The following TRRAP variants were observed in gnomAD, a reference collection of about 807,000 sequenced individuals.
The protein encoded by TRRAP is transformation/transcription domain-associated protein.
A neutral mutation model predicts 438.8 loss-of-function variants in TRRAP; 41 were observed. That is an observed-to-expected ratio of 0.09 (90% CI 0.07 to 0.12). The LOEUF (loss-of-function observed/expected upper bound fraction) is 0.12. TRRAP is among the 10% of genes least tolerant of loss of function. TRRAP has a pLI of 1.00. For synonymous variants in TRRAP, 1,994 were observed against 1,962.9 expected, an observed-to-expected ratio of 1.02 and a Z score of -0.42; for missense variants, 3,122 against 5,055.1, an observed-to-expected ratio of 0.62 and a Z score of 11.60.
chr7:98,999,401 T>C, intron 67 of TRRAP: 1 of 1,224,772 alleles, frequency 8.2e-7, no homozygotes, highest in Non-Finnish European at 1.2e-6. Context: ...CCTCTTGATC[T>C]ACATGAGATC....
In TRRAP at chr7:98,984,094, G is replaced by T. The variant is rs530311376; in HGVS notation, c.9024G>T (p.Ala3008=). Reference sequence around the variant, plus strand: ...ATGATTCCTTTCTTTGCCCTCTAGCGATTGTAACTGCCTATGAGAATAGCT... The same window carrying T: ...ATGATTCCTTTCTTTGCCCTCTAGCTATTGTAACTGCCTATGAGAATAGCT... The part of the protein sequence containing the change: ...IFMWRQHHYQ[A]IVTAYENSSQ... The change falls in exon 61 of 73, where the codon GCG becomes GCT. Residue 3008 remains alanine, a splice_region_variant and synonymous_variant. Coordinates refer to ENST00000456197, the MANE Select transcript of TRRAP (RefSeq NM_001375524.1). 1 of 1,595,918 alleles carries T rather than the reference G, an allele frequency of 6.3e-7. No homozygotes were observed. The highest frequency in any genetic ancestry group is 8.5e-7 in the Non-Finnish European group (1 of 1,170,382).
rs1436734547 is a variant in TRRAP at position 98,983,272 on chromosome 7, G to C, written c.8835G>C (p.Gln2945His). 6.2e-7 allele frequency: 1 copy of C among 1,612,140 alleles called. No homozygotes were observed. Among genetic ancestry groups the C allele is most frequent in the Non-Finnish European group, 8.5e-7 (1 of 1,178,816 alleles). ...TATGCTGGTCCCATCAGGCAGCCCA[G>C]CAAATCATCGAACTCCAGGAAGCTG... The part of the protein sequence containing the change: ...HVHTPLLQAA[Q>H]QIIELQEAAQ... Residue 2945 changes from glutamine to histidine, a missense_variant, in exon 60 of 73, where the codon CAG becomes CAC. Coordinates refer to ENST00000456197, the MANE Select transcript of TRRAP (RefSeq NM_001375524.1).
chr7:98,897,622 C>T (rs1289598068), intron 7 of TRRAP, 119 bp from the exon 8 acceptor site: 1 of 1,306,596 alleles, frequency 7.7e-7, no homozygotes, highest in African/African-American at 1.5e-5. Context: ...AAATGTAGAA[C>T]ATACTGTTTT....
rs1461757933 is a variant in TRRAP at position 98,908,355 on chromosome 7, T to C, written c.1116-373T>C. On this transcript the variant is annotated intron_variant, in intron 13 of 72. Coordinates refer to ENST00000456197, the MANE Select transcript of TRRAP (RefSeq NM_001375524.1). This position sits in a 1 kb window ranked among gnomAD's most constrained non-coding sequence, Gnocchi z 4.1. ...AGCCTGAAAATTCTTACTGTGTCTC[T>C]GTAAAGTGGTCATCATATATAAAGA... Among the ~76,000 whole-genome samples, 2 of 152,218 alleles carry C rather than the reference T, an allele frequency of 1.3e-5. No homozygotes were observed. Among genetic ancestry groups the C allele is most frequent in the Non-Finnish European group, 2.9e-5 (2 of 68,042 alleles).
At chr7:98,941,837 C>T (rs981016586) in intron 30 of TRRAP, among the ~76,000 whole-genome samples, 1 of 152,072 alleles carries the variant, frequency 6.6e-6, no homozygotes, top group African/African-American at 2.4e-5. Context: ...GGTTGGGAAA[C>T]GCGGCTTCTC....
Position 98,970,213 on chromosome 7 carries a change from C to T in TRRAP, c.7614C>T (p.His2538=), listed in dbSNP as rs1228417566. Residue 2538 remains histidine (H), a synonymous_variant, in exon 52 of 73, where the codon CAC becomes CAT. Transcript: ENST00000456197. Reference sequence around the variant, plus strand: ...ACGTCATCAACCTGGCCGATAGCCACGACCGTGCCGCCTTCGCCATGGTCA... The same window carrying T: ...ACGTCATCAACCTGGCCGATAGCCATGACCGTGCCGCCTTCGCCATGGTCA... ...ITNVINLADS[H]DRAAFAMVTH... is the part of the protein sequence containing the mutation. The T allele has an allele frequency of 1.2e-5, 19 of 1,613,796 alleles. No individual in the cohort carries two copies. The highest frequency in any genetic ancestry group is 3.3e-4 in the Middle Eastern group (2 of 6,062).
chr7:99,010,423 G>C (rs76612811), intron 70 of TRRAP, among the ~76,000 whole-genome samples: 22 of 152,156 alleles, frequency 1.4e-4, no homozygotes, highest in African/African-American at 4.8e-4. Flanking sequence ...TGTTCTTGCC[G>C]GCAGAAGGGC....
intron 45 of TRRAP, 131 bp downstream of exon 45, chr7:98,959,621 T>G: frequency 1.5e-6 from 2 of 1,358,724 alleles, no homozygotes; most frequent in Non-Finnish European, 2.0e-6. Flanking sequence ...TCCTGTCCCC[T>G]TTGCCAGTCA....
At chr7:98,946,925 G>C (rs73155644) in intron 33 of TRRAP, among the ~76,000 whole-genome samples, 4,170 of 152,356 alleles carry the variant, frequency 0.027, 84 homozygotes, top group South Asian at 0.055. Flanking sequence ...AAGTCTTGCA[G>C]ATTCTGGGGA....
At chr7:98,890,858 G>A (rs7779243) in intron 4 of TRRAP, among the ~76,000 whole-genome samples, 142,866 of 146,426 alleles carry the variant, frequency 0.98, 69,722 homozygotes, top group East Asian at 1. Flanking sequence ...GGTGCCAATC[G>A]TAGCTCACTG....
In TRRAP at chr7:98,908,027, C is replaced by G. The variant is rs1037408843; in HGVS notation, c.1116-701C>G. Among the ~76,000 whole-genome samples, 1 of 152,210 alleles carries G rather than the reference C, an allele frequency of 6.6e-6. No homozygotes were observed. The highest frequency in any genetic ancestry group is 1.5e-5 in the Non-Finnish European group (1 of 68,044). The stretch of plus-strand genomic sequence containing the variant: ...CTGTTTCTTCCATCTGGAAATTTCC[C>G]TGGATTTTTGCCTTATGGCCCCTTT... On this transcript the variant is annotated intron_variant, in intron 13 of 72. Coordinates refer to ENST00000456197, the MANE Select transcript of TRRAP (RefSeq NM_001375524.1). This position sits in a 1 kb window ranked among gnomAD's most constrained non-coding sequence, Gnocchi z 4.1.
intron 53 of TRRAP, among the ~76,000 whole-genome samples, chr7:98,973,329 C>T (rs1792502315): frequency 6.6e-6 from 1 of 152,144 alleles, no homozygotes; most frequent in Admixed American, 6.6e-5. Context: ...TGTCCTGAAG[C>T]CCAAGGCCTC....
intron 31 of TRRAP, among the ~76,000 whole-genome samples, chr7:98,945,222 A>G (rs1168784568): frequency 2.6e-5 from 4 of 152,184 alleles, no homozygotes; most frequent in South Asian, 2.1e-4. Flanking sequence ...TGTTATGTGT[A>G]TGCACACATA....
At chr7:98,945,707 A>C in intron 31 of TRRAP, 40 bp from the exon 32 acceptor site, 1 of 1,595,106 alleles carries the variant, frequency 6.3e-7, no homozygotes, top group Non-Finnish European at 8.5e-7. Flanking sequence ...TATGTAAATA[A>C]CATAAATAGA....
chr7:98,886,196 C>G (rs1393386613), intron 3 of TRRAP, among the ~76,000 whole-genome samples: 3 of 152,122 alleles, frequency 2.0e-5, no homozygotes, highest in Non-Finnish European at 4.4e-5. Flanking sequence ...AAGGCTGAGG[C>G]AGAGAATCAC....
chr7:99,011,593 C>T lies in TRRAP; in HGVS notation c.11337+58C>T, dbSNP rs533227952. ...GGCTAGAGCCACTCAGATGCCCGCG[C>T]GTCACGGCCTTGCAGGAGCTGCTGA... is the stretch of plus-strand genomic sequence containing the variant. On this transcript the variant is annotated intron_variant, in intron 72 of 72. Transcript: ENST00000456197. The surrounding 1 kb of genome is among the most constrained non-coding windows in gnomAD (Gnocchi z 7.1). The T allele has an allele frequency of 1.5e-5, 23 of 1,560,794 alleles. No individual in the cohort carries two copies. The highest frequency in any genetic ancestry group is 9.4e-5 in the Admixed American group (5 of 53,352).
Position 98,915,962 on chromosome 7 carries a change from G to T in TRRAP, c.2365+74G>T. On this transcript the variant is annotated intron_variant, in intron 19 of 72. Transcript: ENST00000456197. Reference sequence around the variant, plus strand: ...CATGTGTCTAGCCATCCTGATTGCTGGGTTTCATCCTCTGTAACTGGTGAG... The same window carrying T: ...CATGTGTCTAGCCATCCTGATTGCTTGGTTTCATCCTCTGTAACTGGTGAG... The T allele has an allele frequency of 2.6e-6, 4 of 1,568,356 alleles. No homozygotes were observed. The East Asian group carries it at 9.0e-5, about 35-fold the overall frequency.
At chr7:98,935,710 A>G in intron 28 of TRRAP, 35 bp downstream of exon 28, 1 of 1,538,966 alleles carries the variant, frequency 6.5e-7, no homozygotes, top group Non-Finnish European at 8.9e-7. Flanking sequence ...TATAAAAGTG[A>G]AAGGAGACTG....
chr7:98,929,105 AT>A (rs1413845130), intron 23 of TRRAP, among the ~76,000 whole-genome samples: 1 of 151,676 alleles, frequency 6.6e-6, no homozygotes, highest in Non-Finnish European at 1.5e-5. Flanking sequence ...CGCCCGGGTA[AT>A]TTTTTTGGTA....
Sources: gnomAD v4.1 joint callset for allele counts (sites outside exome capture counted in the v4.1 genomes callset) on GRCh38, gnomAD v4.1.1 for gene constraint, Gnocchi (gnomAD v3.1) non-coding constraint, MANE v1.5 for transcripts, NCBI Gene and HGNC (gene_info 2026-07-23, HGNC 2026-07-21) for gene names.